Variants in MAGI1 observed in about 807,000 individuals in gnomAD.
MAGI1 encodes the protein membrane-associated guanylate kinase, WW and PDZ domain-containing protein 1.
Under a neutral mutation model 139.9 loss-of-function variants are expected in MAGI1, and 58 were observed. The ratio of observed to expected loss-of-function variants is 0.41; its 90% confidence interval spans 0.34 to 0.52. The LOEUF (loss-of-function observed/expected upper bound fraction) is 0.52, where lower values mean the gene tolerates loss of function less well. MAGI1 is among the 20% of genes least tolerant of loss of function. The pLI, the probability that MAGI1 is intolerant of heterozygous loss-of-function variation, is 0.12. For missense variants in MAGI1, 1,874 were observed against 1,901.6 expected, an observed-to-expected ratio of 0.99 and a Z score of 0.27; for synonymous variants, 812 against 737.9, an observed-to-expected ratio of 1.10 and a Z score of -1.63.
rs1477887263 is a variant in MAGI1 at position 65,475,360 on chromosome 3, C to A, written c.757+3232G>T. Among the ~76,000 whole-genome samples, 7 of 152,108 alleles carry A rather than the reference C, an allele frequency of 4.6e-5. No individual in the cohort carries two copies. In the East Asian group the frequency reaches 1.2e-3, roughly 25 times the overall value. On this transcript the variant is annotated intron_variant, in intron 4 of 22. Transcript: ENST00000402939. ...TCCTGAGTAGCTTGTATTACAGGCA[C>A]CCACCACCATACTCAGCTAATTTTT...
chr3:65,400,587 T>A (rs1200088712), intron 13 of MAGI1, among the ~76,000 whole-genome samples: 1 of 151,986 alleles, frequency 6.6e-6, no homozygotes, highest in Non-Finnish European at 1.5e-5. Flanking sequence ...GCACTGGAGT[T>A]CCAGATGTTG....
In MAGI1 at chr3:65,783,009, A is replaced by AC. The variant is rs56837893; in HGVS notation, c.314-160922_314-160921insG. On this transcript the variant is annotated intron_variant, in intron 1 of 22. Coordinates refer to ENST00000402939, the MANE Select transcript of MAGI1 (RefSeq NM_001033057.2). ...CTTTAAAAACAAAACAACAACAACA[A>AC]AAAAAAGAAGAAAAAAGAGAAGTTG... Among the ~76,000 whole-genome samples the AC allele has an allele frequency of 7.2e-5, 11 of 152,070 alleles. No homozygotes were observed. In the South Asian group the frequency reaches 2.1e-3, roughly 29 times the overall value.
intron 1 of MAGI1, among the ~76,000 whole-genome samples, chr3:65,734,347 C>G (rs529570757): frequency 4.0e-5 from 6 of 151,806 alleles, no homozygotes; most frequent in Admixed American, 2.0e-4. Context: ...GTAGCCCTAG[C>G]TACTTTGGAG....
chr3:65,789,763 G>T (rs376751359), intron 1 of MAGI1, among the ~76,000 whole-genome samples: 3 of 152,200 alleles, frequency 2.0e-5, no homozygotes, highest in East Asian at 3.9e-4. Context: ...ACTAGGTGGG[G>T]TTTATGGAGG....
chr3:65,683,788 T>C (rs1448562484), intron 1 of MAGI1, among the ~76,000 whole-genome samples: 5 of 151,856 alleles, frequency 3.3e-5, no homozygotes, highest in African/African-American at 9.7e-5. Flanking sequence ...AATGAAAATA[T>C]TGACGCCACC....
At chr3:65,440,648 T>C (rs943337743) in intron 8 of MAGI1, among the ~76,000 whole-genome samples, 1 of 152,050 alleles carries the variant, frequency 6.6e-6, no homozygotes, top group Non-Finnish European at 1.5e-5. Flanking sequence ...GTTAACTATT[T>C]TGATCACTAA....
chr3:65,528,095 G>A (rs369088424), intron 2 of MAGI1, among the ~76,000 whole-genome samples: 1 of 151,930 alleles, frequency 6.6e-6, no homozygotes, highest in South Asian at 2.1e-4. Context: ...ACAAAAAATG[G>A]CTTTTTAATT....
At chr3:65,620,385 G>A (rs148310675) in intron 2 of MAGI1, among the ~76,000 whole-genome samples, 70 of 152,206 alleles carry the variant, frequency 4.6e-4, no homozygotes, top group African/African-American at 1.6e-3. Context: ...TCCGTAAAAT[G>A]GGTGTTAAAG....
At chr3:65,817,128 C>T (rs773060261) in intron 1 of MAGI1, among the ~76,000 whole-genome samples, 4 of 151,982 alleles carry the variant, frequency 2.6e-5, no homozygotes, top group African/African-American at 7.2e-5. Context: ...GCCTGTGTAC[C>T]GAGCTATTAT....
At chr3:65,721,642 G>C (rs762554943) in intron 1 of MAGI1, among the ~76,000 whole-genome samples, 2 of 152,152 alleles carry the variant, frequency 1.3e-5, no homozygotes, top group Non-Finnish European at 2.9e-5. Context: ...ATGCCTCTGG[G>C]TGTTGGGAAA....
At chr3:65,468,581 T>C (rs2107572482) in intron 5 of MAGI1, among the ~76,000 whole-genome samples, 1 of 152,040 alleles carries the variant, frequency 6.6e-6, no homozygotes, top group Non-Finnish European at 1.5e-5. Flanking sequence ...TTCGCCATGT[T>C]GGCCAGGCTG....
Position 65,356,891 on chromosome 3 carries a change from C to G in MAGI1, c.3876G>C (p.Gly1292=), listed in dbSNP as rs1352464945. The part of the protein sequence containing the change: ...WNGTSRKPDS[G]ACRPKDRAPE... ...GCGCCCGGTCCTTGGGTCGGCATGCCCCGCTGTCGGGTTTCCTCGAAGTCC... is the reference window on the plus strand; with the variant it reads ...GCGCCCGGTCCTTGGGTCGGCATGCGCCGCTGTCGGGTTTCCTCGAAGTCC... Residue 1292 remains glycine, a synonymous_variant, in exon 23 of 23, where the codon GGG becomes GGC. Coordinates refer to ENST00000402939, the MANE Select transcript of MAGI1 (RefSeq NM_001033057.2). The G allele has an allele frequency of 1.2e-6, 2 of 1,614,006 alleles. No homozygotes were observed. The highest frequency in any genetic ancestry group is 1.7e-6 in the Non-Finnish European group (2 of 1,179,992).
intron 1 of MAGI1, among the ~76,000 whole-genome samples, chr3:65,948,311 A>C (rs941541638): frequency 4.6e-5 from 7 of 152,162 alleles, no homozygotes; most frequent in Non-Finnish European, 7.4e-5. Context: ...ATATTATAAG[A>C]TATATCTCCA....
chr3:65,551,425 C>A (rs1298163096), intron 2 of MAGI1, among the ~76,000 whole-genome samples: 2 of 152,170 alleles, frequency 1.3e-5, no homozygotes, highest in African/African-American at 4.8e-5. Context: ...CTCAGCTCCC[C>A]GAGTGGCTGG....
At chr3:65,423,384 G>GCACA (rs71102855) in intron 12 of MAGI1, among the ~76,000 whole-genome samples, 1 of 151,446 alleles carries the variant, frequency 6.6e-6, no homozygotes, top group African/African-American at 2.4e-5. Flanking sequence ...GCACACACGC[G>GCACA]CACACACACA....
intron 1 of MAGI1, among the ~76,000 whole-genome samples, chr3:65,648,320 C>CGCGT (rs897798880): frequency 6.9e-5 from 8 of 115,414 alleles, no homozygotes; most frequent in African/African-American, 3.0e-4. Flanking sequence ...TGTGTGTGCG[C>CGCGT]GTGCGCGTGC....
At chr3:65,932,256 G>A (rs1238753339) in intron 1 of MAGI1, among the ~76,000 whole-genome samples, 1 of 152,066 alleles carries the variant, frequency 6.6e-6, no homozygotes, top group East Asian at 1.9e-4. Flanking sequence ...CGAAGACTAT[G>A]GATTATGTTC....
chr3:65,749,854 T>C (rs1281360586), intron 1 of MAGI1, among the ~76,000 whole-genome samples: 3 of 152,118 alleles, frequency 2.0e-5, no homozygotes, highest in African/African-American at 7.2e-5. Flanking sequence ...TCTGGAATCC[T>C]TATTTTTAAA....
At chr3:65,850,032 T>C (rs904543044) in intron 1 of MAGI1, among the ~76,000 whole-genome samples, 43 of 152,210 alleles carry the variant, frequency 2.8e-4, no homozygotes, top group African/African-American at 9.6e-5. Context: ...ATCATTTATA[T>C]ACTATTATGA....
Sources: allele counts gnomAD v4.1 joint callset (sites outside exome capture counted in the v4.1 genomes callset), GRCh38; gene constraint gnomAD v4.1.1; transcripts MANE v1.5; gene names NCBI Gene and HGNC (gene_info 2026-07-23, HGNC 2026-07-21).